IL1RAPL2: variants seen among roughly 807,000 people sequenced by gnomAD.
The protein encoded by IL1RAPL2 is interleukin 1 receptor accessory protein like 2, also known as X-linked interleukin-1 receptor accessory protein-like 2.
In IL1RAPL2, 3 loss-of-function variants were observed where a neutral mutation model predicts 44.1. The observed-to-expected ratio is 0.07, with a 90% confidence interval of 0.03 to 0.18. The LOEUF (loss-of-function observed/expected upper bound fraction) is 0.18, where lower values mean the gene tolerates loss of function less well. IL1RAPL2 is among the 10% of genes least tolerant of loss of function. The probability of loss-of-function intolerance (pLI) is 1.00; values close to 1 mark genes in which losing one functional copy is unlikely to be tolerated. For synonymous variants in IL1RAPL2, 181 were observed against 178.8 expected, an observed-to-expected ratio of 1.01 and a Z score of -0.10; for missense variants, 391 against 496.4, an observed-to-expected ratio of 0.79 and a Z score of 2.02.
chrX:105,474,513 G>C (rs2036185376), intron 5 of IL1RAPL2, among the ~76,000 whole-genome samples: 1 of 111,953 alleles, frequency 8.9e-6, no homozygotes, highest in African/African-American at 3.2e-5. Context: ...TCTTCTACTA[G>C]ATTAAGCCTT....
chrX:105,277,090 C>T (rs965179583), intron 5 of IL1RAPL2, among the ~76,000 whole-genome samples: 6 of 111,852 alleles, frequency 5.4e-5, no homozygotes, highest in Non-Finnish European at 7.5e-5. Context: ...ATGAAGCACC[C>T]GCCTTAAAGC....
At chrX:105,472,437 A>G (rs763460561) in intron 5 of IL1RAPL2, among the ~76,000 whole-genome samples, 19 of 111,607 alleles carry the variant, frequency 1.7e-4, no homozygotes, top group Non-Finnish European at 3.4e-4. Flanking sequence ...AAAAATTCCC[A>G]AGATTTCCTA....
chrX:104,724,968 G>T (rs983291764), intron 2 of IL1RAPL2, among the ~76,000 whole-genome samples: 1 of 111,140 alleles, frequency 9.0e-6, no homozygotes, highest in Admixed American at 9.6e-5. Context: ...CACGTGCCAT[G>T]GTGGTTTGCT....
At chrX:104,949,492 T>G (rs1335785461) in intron 2 of IL1RAPL2, among the ~76,000 whole-genome samples, 2 of 103,110 alleles carry the variant, frequency 1.9e-5, no homozygotes, top group Admixed American at 1.1e-4. Flanking sequence ...GCTTTTCTAG[T>G]TCTTTTAATT....
intron 6 of IL1RAPL2, among the ~76,000 whole-genome samples, chrX:105,701,264 C>T (rs769588123): frequency 2.2e-4 from 24 of 110,710 alleles, no homozygotes; most frequent in Admixed American, 6.7e-4. Flanking sequence ...GAGTTCAAAC[C>T]TTTACATCAT....
chrX:104,829,280 C>A (rs1921546090), intron 2 of IL1RAPL2, among the ~76,000 whole-genome samples: 1 of 112,077 alleles, frequency 8.9e-6, no homozygotes. Context: ...AGGGAATCTC[C>A]TGTTCTGTGG....
chrX:105,378,883 G>A (rs557867214), intron 5 of IL1RAPL2, among the ~76,000 whole-genome samples: 2 of 111,575 alleles, frequency 1.8e-5, no homozygotes, highest in Non-Finnish European at 3.8e-5. Context: ...TACTATGTGC[G>A]GAGCATCACA....
At chrX:105,753,905 C>T (rs2038615885) in intron 9 of IL1RAPL2, among the ~76,000 whole-genome samples, 1 of 111,760 alleles carries the variant, frequency 8.9e-6, no homozygotes, top group African/African-American at 3.3e-5. Flanking sequence ...CATAATCCTA[C>T]TTCAGAGATA....
chrX:104,776,985 T>G (rs1257017981), intron 2 of IL1RAPL2, among the ~76,000 whole-genome samples: 5 of 111,817 alleles, frequency 4.5e-5, no homozygotes, highest in Non-Finnish European at 7.5e-5. Flanking sequence ...CCTCTTGCTG[T>G]GCTGACTTCT....
intron 5 of IL1RAPL2, among the ~76,000 whole-genome samples, chrX:105,334,526 A>G (rs548801942): frequency 4.1e-4 from 46 of 112,032 alleles, no homozygotes; most frequent in Middle Eastern, 9.3e-3. Flanking sequence ...ATTGGATTGT[A>G]ACACAAAAGA....
intron 2 of IL1RAPL2, among the ~76,000 whole-genome samples, chrX:104,726,272 G>T (rs1360466834): frequency 9.0e-6 from 1 of 111,561 alleles, no homozygotes; most frequent in African/African-American, 3.3e-5. Context: ...TGCTGTTTTG[G>T]TTACTGTAGC....
At chrX:104,812,195 C>T (rs1466195812) in intron 2 of IL1RAPL2, among the ~76,000 whole-genome samples, 1 of 111,317 alleles carries the variant, frequency 9.0e-6, no homozygotes, top group East Asian at 2.8e-4. Flanking sequence ...TAGTTTCCAG[C>T]CTGTGATCCT....
chrX:105,020,303 C>T (rs373683111), intron 2 of IL1RAPL2, among the ~76,000 whole-genome samples: 1 of 111,253 alleles, frequency 9.0e-6, no homozygotes, highest in African/African-American at 3.3e-5. Context: ...GTCTTAACCT[C>T]GTTAAAACTT....
At chrX:104,903,475 C>T (rs768417033) in intron 2 of IL1RAPL2, among the ~76,000 whole-genome samples, 65 of 111,777 alleles carry the variant, frequency 5.8e-4, no homozygotes, top group Admixed American at 1.1e-3. Context: ...AATAAACTCT[C>T]TTGGGAGCTG....
At chrX:104,671,714 A>G (rs1930607906) in intron 2 of IL1RAPL2, among the ~76,000 whole-genome samples, 1 of 112,004 alleles carries the variant, frequency 8.9e-6, no homozygotes, top group South Asian at 3.7e-4. Flanking sequence ...TGTTTATTAG[A>G]TAATTGAATA....
At chrX:105,177,711 T>G (rs2033488496) in intron 2 of IL1RAPL2, among the ~76,000 whole-genome samples, 1 of 111,926 alleles carries the variant, frequency 8.9e-6, no homozygotes, top group Non-Finnish European at 1.9e-5. Context: ...CAACCCTATC[T>G]GGCTCTACTC....
At chrX:105,030,011 A>G (rs1419684774) in intron 2 of IL1RAPL2, among the ~76,000 whole-genome samples, 4 of 112,120 alleles carry the variant, frequency 3.6e-5, no homozygotes, top group Non-Finnish European at 5.6e-5. Context: ...AGTGATGATG[A>G]GCATTTTTTC....
intron 2 of IL1RAPL2, among the ~76,000 whole-genome samples, chrX:105,159,763 A>C (rs1488237374): frequency 1.8e-5 from 2 of 111,708 alleles, no homozygotes; most frequent in Non-Finnish European, 3.8e-5. Context: ...GTAGCTGTTC[A>C]CTCTGCTTTC....
intron 6 of IL1RAPL2, among the ~76,000 whole-genome samples, chrX:105,692,890 A>G (rs1033890128): frequency 8.9e-6 from 1 of 111,770 alleles, no homozygotes; most frequent in African/African-American, 3.3e-5. Flanking sequence ...AGAACAATAT[A>G]TCAGTTATCT....
Sources: allele counts gnomAD v4.1 joint callset (sites outside exome capture counted in the v4.1 genomes callset), GRCh38; gene constraint gnomAD v4.1.1; transcripts MANE v1.5; gene names NCBI Gene and HGNC (gene_info 2026-07-23, HGNC 2026-07-21).